Variants in ADH5 observed in about 807,000 individuals in gnomAD.
The protein encoded by ADH5 is alcohol dehydrogenase 5 (class III), chi polypeptide.
Under a neutral mutation model 40.3 loss-of-function variants are expected in ADH5, and 32 were observed. The observed-to-expected ratio is 0.79, with a 90% confidence interval of 0.60 to 1.07. The LOEUF (loss-of-function observed/expected upper bound fraction) is 1.07, where lower values mean the gene tolerates loss of function less well. Among genes scored for constraint, ADH5 ranks in the 50% least tolerant of loss-of-function variants. The probability of loss-of-function intolerance (pLI) is 0.00; values close to 1 mark genes in which losing one functional copy is unlikely to be tolerated. For missense variants in ADH5, 353 were observed against 460.5 expected (o/e 0.77, Z 2.14); for synonymous variants, 125 against 154.3 (o/e 0.81, Z 1.41).
chr4:99,075,225 GT>G (rs57354357), intron 6 of ADH5, 176 bp from the exon 7 acceptor site: 217,095 of 315,164 alleles, frequency 0.69, 68,614 homozygotes, highest in South Asian at 0.81. Flanking sequence ...TTTTTTTGTT[GT>G]TTTTTTTTTT....
intron 2 of ADH5, among the ~76,000 whole-genome samples, chr4:99,083,454 G>A (rs1394348084): frequency 3.3e-5 from 5 of 151,764 alleles, no homozygotes; most frequent in African/African-American, 1.2e-4. Context: ...ACAAAAACTA[G>A]CCAGGCGTGG....
intron 4 of ADH5, among the ~76,000 whole-genome samples, chr4:99,077,386 G>A (rs1477347905): frequency 6.6e-6 from 1 of 151,832 alleles, no homozygotes; most frequent in African/African-American, 2.4e-5. Context: ...CAGGTGTAGC[G>A]GAGCACGTGC....
In ADH5 at chr4:99,076,183, T is replaced by A. The variant is rs556261686; in HGVS notation, c.825+109A>T. The A allele has an allele frequency of 1.8e-4, 214 of 1,163,164 alleles. No individual in the cohort carries two copies. In the African/African-American group the frequency reaches 2.8e-3, roughly 15 times the overall value. 72.1% of individuals were successfully genotyped at this position (1,163,164 alleles called of 1,614,324 possible). A position where few individuals can be genotyped will look rare whatever the true frequency, so the allele number is the denominator to read the frequency against. ...TTTTCCCCTTCTTTCACTAGAAAAA[T>A]TCTTATTAAGAGACTTTTCCTTTGC... On this transcript the variant is annotated intron_variant, in intron 6 of 8. Transcript: ENST00000296412.
intron 4 of ADH5, chr4:99,080,645 CGCAAATG>C (rs1728011509): frequency 6.6e-6 from 1 of 152,282 alleles, no homozygotes; most frequent in African/African-American, 2.4e-5. Context: ...GGCAGAAAAC[CGCAAATG>C]GTAGAGAAGG....
chr4:99,080,258 G>A (rs1728003355), intron 4 of ADH5, among the ~76,000 whole-genome samples: 1 of 152,192 alleles, frequency 6.6e-6, no homozygotes, highest in African/African-American at 2.4e-5. Context: ...CTCTTCAAAA[G>A]CAGAGATTTG....
rs1250131544 is a variant in ADH5 at position 99,072,343 on chromosome 4, G to A, written c.*74C>T. 1 of 1,442,764 alleles carries A rather than the reference G, an allele frequency of 6.9e-7. No homozygotes were observed. 89.4% of individuals were successfully genotyped at this position (1,442,764 alleles called of 1,614,324 possible). ...GAAGCTCTACGAGGCTGTGAGGTTG[G>A]AGGCGCTTCTCCCTGCCTGTTAAGC... On this transcript the variant is annotated 3_prime_UTR_variant, in exon 9 of 9. Transcript: ENST00000296412.
intron 7 of ADH5, among the ~76,000 whole-genome samples, chr4:99,073,209 C>T (rs1015356841): frequency 2.6e-5 from 4 of 152,248 alleles, no homozygotes; most frequent in Non-Finnish European, 4.4e-5. Flanking sequence ...GACGGAGTCT[C>T]GCTCTATCGC....
Position 99,075,023 on chromosome 4 carries a change from CTT to C in ADH5, c.850_851del (p.Lys284GlyfsTer15), listed in dbSNP as rs1254268932. The stretch of plus-strand genomic sequence containing the variant: ...CAACCACGACGCTGACGCCCCAGCC[CTT>C]GTGACATGCCTCAAGTGCTGCTCTC... Reference protein sequence around the residue: ...VMRAALEACHKGWGVSVVVGV... With the variant: ...VMRAALEACHXGWGVSVVVGV... On this transcript the variant is annotated frameshift_variant, in exon 7 of 9. Transcript: ENST00000296412. LOFTEE classifies it high-confidence loss of function. 1 of 1,612,268 alleles carries C rather than the reference CTT, an allele frequency of 6.2e-7. No homozygotes were observed. The highest frequency in any genetic ancestry group is 8.5e-7 in the Non-Finnish European group (1 of 1,178,856).
Position 99,079,834 on chromosome 4 carries a change from T to TA in ADH5, c.344+1530dup, listed in dbSNP as rs560335763. 260 of 360,720 alleles carry TA rather than the reference T, an allele frequency of 7.2e-4. 2 individuals are homozygous for TA. The highest frequency in any genetic ancestry group is 4.8e-3 in the African/African-American group (223 of 46,178). 22.3% of individuals were successfully genotyped at this position (360,720 alleles called of 1,614,324 possible). A position where few individuals can be genotyped will look rare whatever the true frequency, so the allele number is the denominator to read the frequency against. On this transcript the variant is annotated intron_variant, in intron 4 of 8. Transcript: ENST00000296412. ...CTCTCACTTACTGGGCAGTGGTTCA[T>TA]AAAAATGATTTCGTTTAATCTCAGA...
intron 1 of ADH5, among the ~76,000 whole-genome samples, chr4:99,086,037 A>AAAACAAACAAACAAACAAACAAAC (rs77642031): frequency 4.6e-5 from 7 of 150,712 alleles, no homozygotes; most frequent in East Asian, 2.0e-4. Context: ...ACATCGTCTC[A>AAAACAAACAAACAAACAAACAAAC]AAACAAACAA....
At chr4:99,088,155 C>T (rs1012941596) in intron 1 of ADH5, among the ~76,000 whole-genome samples, 1 of 152,094 alleles carries the variant, frequency 6.6e-6, no homozygotes, top group African/African-American at 2.4e-5. Context: ...ATATAAATCT[C>T]TTGGTATTTA....
intron 1 of ADH5, among the ~76,000 whole-genome samples, chr4:99,086,037 AAAAC>A (rs77642031): frequency 8.6e-5 from 13 of 150,828 alleles, no homozygotes; most frequent in Admixed American, 4.0e-4. Flanking sequence ...ACATCGTCTC[AAAAC>A]AAACAAACAA....
intron 7 of ADH5, among the ~76,000 whole-genome samples, chr4:99,074,207 T>C (rs1727881566): frequency 6.6e-6 from 1 of 152,100 alleles, no homozygotes. Context: ...GGATGAAATA[T>C]AAATATATAT....
At chr4:99,088,624 C>T in intron 1 of ADH5, 65 bp downstream of exon 1, 2 of 1,468,722 alleles carry the variant, frequency 1.4e-6, no homozygotes, top group Non-Finnish European at 1.8e-6. Flanking sequence ...CCGAGGATAG[C>T]AGCCTAGTCC....
At chr4:99,078,246 T>C (rs1727965381) in intron 4 of ADH5, among the ~76,000 whole-genome samples, 1 of 152,156 alleles carries the variant, frequency 6.6e-6, no homozygotes, top group South Asian at 2.1e-4. Context: ...GGCTGAACAC[T>C]ATAATTTGAT....
intron 1 of ADH5, among the ~76,000 whole-genome samples, chr4:99,086,406 AAAGGTTGT>A (rs1294349324): frequency 6.6e-6 from 1 of 152,204 alleles, no homozygotes; most frequent in Non-Finnish European, 1.5e-5. Flanking sequence ...TGGACAGACT[AAAGGTTGT>A]AAGCCACTGG....
rs1727826025 is a variant in ADH5 at position 99,071,097 on chromosome 4, T to C, written c.*1320A>G. 6.6e-6 allele frequency: 1 copy of C among 152,200 alleles called. No individual in the cohort carries two copies. The highest frequency in any genetic ancestry group is 2.4e-5 in the African/African-American group (1 of 41,450). The allele number at this position is 152,200 out of a possible 1,614,324, so 9.4% of individuals were successfully genotyped here. On this transcript the variant is annotated 3_prime_UTR_variant, in exon 9 of 9. Coordinates refer to ENST00000296412, the MANE Select transcript of ADH5 (RefSeq NM_000671.4). The stretch of plus-strand genomic sequence containing the variant: ...ACTGACAAATGATTGATGTCTAGAA[T>C]AAAAGAACTCCTAAAAATTATTCAG...
Position 99,071,983 on chromosome 4 carries a change from A to G in ADH5, c.*434T>C. On this transcript the variant is annotated 3_prime_UTR_variant, in exon 9 of 9. Coordinates refer to ENST00000296412, the MANE Select transcript of ADH5 (RefSeq NM_000671.4). ...ATTAACTTTGTCACTGATGGCTAGG[A>G]TCTGTTCTTTAATCAACGGGGACTG... 1 of 161,908 alleles carries G rather than the reference A, an allele frequency of 6.2e-6. No individual in the cohort carries two copies. The highest frequency in any genetic ancestry group is 6.4e-5 in the Admixed American group (1 of 15,674). The allele number at this position is 161,908 out of a possible 1,614,324, so 10.0% of individuals were successfully genotyped here.
rs28730615 is a variant in ADH5 at position 99,078,760 on chromosome 4, T to C, written c.345-1837A>G. 2.9e-3 allele frequency among the ~76,000 whole-genome samples: 436 copies of C among 152,322 alleles called. 1 individual carries two copies. Among genetic ancestry groups the C allele is most frequent in the African/African-American group, 0.01 (419 of 41,566 alleles). On this transcript the variant is annotated intron_variant, in intron 4 of 8. Coordinates refer to ENST00000296412, the MANE Select transcript of ADH5 (RefSeq NM_000671.4). ...TAAGTTTGTTTAGCCTTCCTTAATG[T>C]GAGAAATCACTGTATTCCAGAGGAG...
Sources: gnomAD v4.1 joint callset for allele counts (sites outside exome capture counted in the v4.1 genomes callset) on GRCh38, gnomAD v4.1.1 for gene constraint, MANE v1.5 for transcripts, NCBI Gene and HGNC (gene_info 2026-07-23, HGNC 2026-07-21) for gene names.